The following ETS1 variants were observed in gnomAD, a reference collection of about 807,000 sequenced individuals.
ETS1 encodes the protein ETS proto-oncogene 1, transcription factor.
ETS1 carries 15 observed loss-of-function variants against 58.6 expected under a neutral mutation model. The observed-to-expected ratio is 0.26, with a 90% CI of 0.17 to 0.39. ETS1 has a LOEUF of 0.39. Among genes scored for constraint, ETS1 ranks in the 10% least tolerant of loss-of-function variants. ETS1 has a pLI of 1.00. For synonymous variants in ETS1, 214 were observed against 218.2 expected, an observed-to-expected ratio of 0.98 and a Z score of 0.17; for missense variants, 417 against 610.5, an observed-to-expected ratio of 0.68 and a Z score of 3.34.
intron 2 of ETS1, among the ~76,000 whole-genome samples, chr11:128,560,988 T>C (rs1300866106): frequency 6.6e-6 from 1 of 151,918 alleles, no homozygotes; most frequent in Non-Finnish European, 1.5e-5. Context: ...AGATAATCCA[T>C]CCAAAGGTAA....
intron 2 of ETS1, among the ~76,000 whole-genome samples, chr11:128,564,449 A>G (rs1286139848): frequency 6.6e-6 from 1 of 152,150 alleles, no homozygotes; most frequent in East Asian, 1.9e-4. Flanking sequence ...TATGCTCTTA[A>G]TGCAAAGCTG....
chr11:128,531,969 A>G (rs1197720490), intron 3 of ETS1, among the ~76,000 whole-genome samples: 1 of 151,778 alleles, frequency 6.6e-6, no homozygotes, highest in African/African-American at 2.4e-5. Flanking sequence ...TGCATCTTAC[A>G]TTTTCCTCGG....
chr11:128,525,968 T>G (rs1297542005), intron 3 of ETS1, among the ~76,000 whole-genome samples: 2 of 152,204 alleles, frequency 1.3e-5, no homozygotes, highest in African/African-American at 4.8e-5. Context: ...ATGGTACTGT[T>G]GCTGACTGCA....
chr11:128,493,086 C>T (rs1474910384), intron 3 of ETS1, among the ~76,000 whole-genome samples: 1 of 152,140 alleles, frequency 6.6e-6, no homozygotes, highest in Non-Finnish European at 1.5e-5. Flanking sequence ...GCCAGGACAA[C>T]ACATGTGGAA....
At position 128,480,309 on chromosome 11, in the gene ETS1, A is replaced by G. The variant is rs1427748616; in HGVS notation, c.1005T>C (p.Tyr335=). The change falls in exon 8 of 10, where the codon TAT becomes TAC. Residue 335 remains tyrosine, a synonymous_variant. Transcript: ENST00000392668. ...GCTTGTGGTTGGGCAGGGCAGCCGG[A>G]TAGTCCTCTGAGTCGAAGCTGTCAT... ...PSYDSFDSED[Y]PAALPNHKPK... is the part of the protein sequence containing the mutation. 6.2e-7 allele frequency: 1 copy of G among 1,614,182 alleles called. No homozygotes were observed. Among genetic ancestry groups the G allele is most frequent in the Non-Finnish European group, 8.5e-7 (1 of 1,180,022 alleles).
chr11:128,511,231 A>C (rs2135500253), intron 3 of ETS1, among the ~76,000 whole-genome samples: 1 of 152,366 alleles, frequency 6.6e-6, no homozygotes, highest in Non-Finnish European at 1.5e-5. Context: ...ACTGAGGCAC[A>C]GAAGAACAAA....
chr11:128,518,943 A>G (rs527517449), intron 3 of ETS1, among the ~76,000 whole-genome samples: 30 of 152,338 alleles, frequency 2.0e-4, no homozygotes, highest in African/African-American at 5.5e-4. Context: ...CTCACCAAGA[A>G]GGTAGAGCAG....
At chr11:128,575,514 G>A (rs1864727770) in intron 1 of ETS1, among the ~76,000 whole-genome samples, 2 of 152,170 alleles carry the variant, frequency 1.3e-5, no homozygotes, top group South Asian at 4.1e-4. Flanking sequence ...ACCACTATGT[G>A]CCAGACACGG....
At chr11:128,530,643 G>A (rs1055649686) in intron 3 of ETS1, among the ~76,000 whole-genome samples, 3 of 152,134 alleles carry the variant, frequency 2.0e-5, no homozygotes, top group Non-Finnish European at 4.4e-5. Flanking sequence ...GTACCACAAG[G>A]GACCCATCCA....
chr11:128,585,193 GGAAA>G (rs764608182), intron 1 of ETS1, among the ~76,000 whole-genome samples: 2,562 of 15,616 alleles, frequency 0.16, 422 homozygotes, highest in Middle Eastern at 0.2. Flanking sequence ...AAAGAAGGAA[GGAAA>G]GAAAGAAAGA....
At chr11:128,507,585 A>G (rs7118744) in intron 3 of ETS1, among the ~76,000 whole-genome samples, 104,249 of 152,030 alleles carry the variant, frequency 0.69, 36,184 homozygotes, top group East Asian at 0.83. Flanking sequence ...GCAATCAGCA[A>G]CCAGCAAACC....
chr11:128,515,781 G>A (rs1402922794), intron 3 of ETS1, among the ~76,000 whole-genome samples: 1 of 152,072 alleles, frequency 6.6e-6, no homozygotes, highest in Non-Finnish European at 1.5e-5. Context: ...ATTACTTTGG[G>A]TCTAAAAGCA....
chr11:128,489,493 G>A lies in ETS1; in HGVS notation c.335-3C>T, dbSNP rs1462467573. The A allele has an allele frequency of 6.2e-7, 1 of 1,613,066 alleles. No individual in the cohort carries two copies. Among genetic ancestry groups the A allele is most frequent in the Non-Finnish European group, 8.5e-7 (1 of 1,179,730 alleles). On this transcript the variant is annotated splice_region_variant and splice_polypyrimidine_tract_variant and intron_variant, in intron 4 of 9. Coordinates refer to ENST00000392668, the MANE Select transcript of ETS1 (RefSeq NM_001143820.2). ...GGTTTCTGTCCACTGCCGGGGGTCT[G>A]AGGAAAGAGATCAGATGAAGATCCA...
intron 3 of ETS1, 112 bp from the exon 4 acceptor site, chr11:128,490,688 T>C: frequency 1.4e-6 from 1 of 724,830 alleles, no homozygotes; most frequent in Non-Finnish European, 2.3e-6. Context: ...TGTGCTAGCA[T>C]CCTCACCAGA....
chr11:128,541,803 T>C (rs1324050799), intron 3 of ETS1, among the ~76,000 whole-genome samples: 2 of 152,162 alleles, frequency 1.3e-5, no homozygotes, highest in East Asian at 1.9e-4. Context: ...AAGCTGTATA[T>C]AGTCTCAGAG....
At chr11:128,557,180 C>T (rs1864326040) in intron 2 of ETS1, among the ~76,000 whole-genome samples, 1 of 152,158 alleles carries the variant, frequency 6.6e-6, no homozygotes, top group Non-Finnish European at 1.5e-5. Flanking sequence ...GGGCCTGTTC[C>T]TTAATCCAAA....
intron 3 of ETS1, among the ~76,000 whole-genome samples, chr11:128,528,191 A>T (rs896208708): frequency 1.3e-5 from 2 of 152,144 alleles, no homozygotes; most frequent in African/African-American, 4.8e-5. Context: ...TGCAGTTAAG[A>T]CCTAGTAAAG....
intron 8 of ETS1, among the ~76,000 whole-genome samples, chr11:128,466,119 C>T (rs1279101130): frequency 6.6e-6 from 1 of 152,206 alleles, no homozygotes. Flanking sequence ...GTGGTTCTCC[C>T]AGTCATCCGA....
At chr11:128,568,529 GACCA>G (rs1364264503) in intron 2 of ETS1, among the ~76,000 whole-genome samples, 1 of 152,152 alleles carries the variant, frequency 6.6e-6, no homozygotes, top group African/African-American at 2.4e-5. Flanking sequence ...CCCACACAAT[GACCA>G]GACAACTTCC....
Sources: gnomAD v4.1 joint callset for allele counts (sites outside exome capture counted in the v4.1 genomes callset) on GRCh38, gnomAD v4.1.1 for gene constraint, MANE v1.5 for transcripts, NCBI Gene and HGNC (gene_info 2026-07-23, HGNC 2026-07-21) for gene names.